DPP4: variants seen among roughly 807,000 people sequenced by gnomAD.
DPP4 encodes ADCP-2.
A neutral mutation model predicts 122.4 loss-of-function variants in DPP4; 93 were observed. The ratio of observed to expected loss-of-function variants is 0.76; its 90% CI spans 0.64 to 0.90. The LOEUF is 0.90. Among genes scored for constraint, DPP4 ranks in the 40% least tolerant of loss-of-function variants. The probability of loss-of-function intolerance (pLI) is 0.00; values close to 1 mark genes in which losing one functional copy is unlikely to be tolerated. For synonymous variants in DPP4, 321 were observed against 302.9 expected, an observed-to-expected ratio of 1.06 and a Z score of -0.62; for missense variants, 914 against 907.3, an observed-to-expected ratio of 1.01 and a Z score of -0.09.
rs769630037 is a variant in DPP4 at position 162,038,960 on chromosome 2, C to G, written c.481G>C (p.Gly161Arg). The G allele has an allele frequency of 5.0e-6, 8 of 1,613,202 alleles. No homozygotes were observed. In the African/African-American group the frequency reaches 6.7e-5, roughly 13 times the overall value. The change falls in exon 7 of 26, where the codon GGT becomes CGT. Residue 161 changes from glycine (G) to arginine (R), a missense_variant. By Grantham distance (125) the Gly-to-Arg change is moderately radical (BLOSUM62 -2). Transcript: ENST00000360534. ...NTQWVTWSPV[G>R]HKLAYVWNND... ...AGAGACTCACTAACCAATTTATGAC[C>G]CACTGGTGACCATGTGACCCACTGT...
At chr2:162,066,775 A>G (rs2106158876) in intron 2 of DPP4, among the ~76,000 whole-genome samples, 1 of 152,316 alleles carries the variant, frequency 6.6e-6, no homozygotes, top group African/African-American at 2.4e-5. Flanking sequence ...GCAGAAGGTG[A>G]AGGGGAGGCT....
At chr2:162,023,972 A>G (rs1174199197) in intron 11 of DPP4, among the ~76,000 whole-genome samples, 2 of 152,242 alleles carry the variant, frequency 1.3e-5, no homozygotes, top group African/African-American at 4.8e-5. Flanking sequence ...AGAGCTTGGA[A>G]CATAACAGGA....
rs536470280 is a variant in DPP4 at position 162,057,263 on chromosome 2, C to A, written c.95-9762G>T. On this transcript the variant is annotated intron_variant, in intron 2 of 25. Coordinates refer to ENST00000360534, the MANE Select transcript of DPP4 (RefSeq NM_001935.4). The stretch of plus-strand genomic sequence containing the variant: ...GCAAGAAGAACCTGTCAGACTATTA[C>A]AACTCAGGTTCTAGACCACCACTAG... 3.3e-5 allele frequency among the ~76,000 whole-genome samples: 5 copies of A among 152,324 alleles called. No homozygotes were observed. In the East Asian group the frequency reaches 7.7e-4, roughly 23 times the overall value.
intron 25 of DPP4, among the ~76,000 whole-genome samples, chr2:161,994,337 C>T (rs1388107888): frequency 1.3e-5 from 2 of 152,188 alleles, no homozygotes; most frequent in Non-Finnish European, 2.9e-5. Context: ...TACATGCACA[C>T]ATTAAAAATA....
chr2:162,027,410 C>A (rs1683368855), intron 10 of DPP4, among the ~76,000 whole-genome samples: 1 of 151,818 alleles, frequency 6.6e-6, no homozygotes, highest in Non-Finnish European at 1.5e-5. Flanking sequence ...GGGCAGTGGA[C>A]TGCATTTGGC....
chr2:162,014,744 A>T (rs1013691547), intron 18 of DPP4, among the ~76,000 whole-genome samples: 1 of 152,054 alleles, frequency 6.6e-6, no homozygotes, highest in Non-Finnish European at 1.5e-5. Flanking sequence ...AGAATTTCTA[A>T]TGTTTTGTTT....
intron 10 of DPP4, among the ~76,000 whole-genome samples, chr2:162,028,907 A>G (rs1000479510): frequency 6.6e-6 from 1 of 152,222 alleles, no homozygotes; most frequent in East Asian, 1.9e-4. Context: ...ATTCAATTCA[A>G]GCTGTTGGCT....
intron 12 of DPP4, among the ~76,000 whole-genome samples, chr2:162,021,041 A>G (rs1683107868): frequency 6.6e-6 from 1 of 152,192 alleles, no homozygotes; most frequent in African/African-American, 2.4e-5. Flanking sequence ...TTCAGTTTGG[A>G]GCAGTAAATT....
chr2:162,000,929 C>A (rs1184055023), intron 23 of DPP4, among the ~76,000 whole-genome samples: 1 of 152,152 alleles, frequency 6.6e-6, no homozygotes, highest in South Asian at 2.1e-4. Flanking sequence ...CTACTCAGAG[C>A]CCTTCTTCTG....
At chr2:162,066,963 T>A (rs148925017) in intron 2 of DPP4, among the ~76,000 whole-genome samples, 5 of 40,322 alleles carry the variant, frequency 1.2e-4, no homozygotes, top group African/African-American at 6.1e-4. Context: ...ACACTGGAGA[T>A]CAAATTTCAA....
intron 16 of DPP4, among the ~76,000 whole-genome samples, chr2:162,018,351 A>T (rs1396373983): frequency 6.6e-6 from 1 of 152,204 alleles, no homozygotes; most frequent in Non-Finnish European, 1.5e-5. Context: ...AATAATAGCA[A>T]CAGCAACAGA....
chr2:161,996,174 T>C (rs1479612633), intron 23 of DPP4, among the ~76,000 whole-genome samples: 1 of 152,140 alleles, frequency 6.6e-6, no homozygotes, highest in African/African-American at 2.4e-5. Context: ...GAAAAAGCCA[T>C]TTGAAATCAT....
intron 2 of DPP4, among the ~76,000 whole-genome samples, chr2:162,050,641 G>A (rs987634080): frequency 2.0e-5 from 3 of 152,180 alleles, no homozygotes; most frequent in South Asian, 2.1e-4. Context: ...AGAGAAGAGC[G>A]GCTAAATTGG....
At chr2:162,035,373 G>A (rs1272302577) in intron 8 of DPP4, 49 bp from the exon 9 acceptor site, 11 of 1,566,740 alleles carry the variant, frequency 7.0e-6, no homozygotes. Context: ...CTGATAAATT[G>A]GCTTTGGCAT....
At position 162,074,061 on chromosome 2, in the gene DPP4, T is replaced by A; in HGVS notation, c.-80A>T. ...CCGCGGGCGGCGGAGACGCGCGTCC[T>A]GCACCGCTGCTCCGGGCGGTGGAGT... On this transcript the variant is annotated 5_prime_UTR_variant, in exon 1 of 26. Transcript: ENST00000360534. The A allele has an allele frequency of 3.2e-6, 5 of 1,562,452 alleles. No homozygotes were observed. Among genetic ancestry groups the A allele is most frequent in the Non-Finnish European group, 4.3e-6 (5 of 1,155,202 alleles).
At position 162,033,393 on chromosome 2, in the gene DPP4, A is replaced by G. The variant is rs184738602; in HGVS notation, c.887+148T>C. The G allele has an allele frequency of 3.3e-5, 19 of 577,076 alleles. No homozygotes were observed. The East Asian group carries it at 5.7e-4, about 17-fold the overall frequency. The allele number at this position is 577,076 out of a possible 1,614,324, so 35.7% of individuals were successfully genotyped here. On this transcript the variant is annotated intron_variant, in intron 10 of 25. Coordinates refer to ENST00000360534, the MANE Select transcript of DPP4 (RefSeq NM_001935.4). ...GCCTGAGGACGTGAAGATGCTCAACAAAGAGTTGCTGAAGGAAAGAATGAA... is the reference window on the plus strand; with the variant it reads ...GCCTGAGGACGTGAAGATGCTCAACGAAGAGTTGCTGAAGGAAAGAATGAA...
At chr2:162,061,002 CT>C (rs1684753710) in intron 2 of DPP4, among the ~76,000 whole-genome samples, 1 of 118,340 alleles carries the variant, frequency 8.5e-6, no homozygotes, top group African/African-American at 3.8e-5. Context: ...CCCTCCCTCC[CT>C]CCCTCCTTCC....
intron 16 of DPP4, among the ~76,000 whole-genome samples, chr2:162,017,790 G>A (rs13387537): frequency 0.01 from 1,558 of 152,284 alleles, 27 homozygotes; most frequent in African/African-American, 0.035. Flanking sequence ...AATTTTATGT[G>A]TTTGGATGAT....
chr2:162,046,340 T>A (rs949351443), intron 4 of DPP4, among the ~76,000 whole-genome samples: 3 of 152,152 alleles, frequency 2.0e-5, no homozygotes, highest in African/African-American at 4.8e-5. Flanking sequence ...CTATGGGGGA[T>A]GACAGGAGTC....
Sources: gnomAD v4.1 joint callset for allele counts (sites outside exome capture counted in the v4.1 genomes callset) on GRCh38, gnomAD v4.1.1 for gene constraint, MANE v1.5 for transcripts, NCBI Gene and HGNC (gene_info 2026-07-23, HGNC 2026-07-21) for gene names.